Variants in ADGRB3 observed in about 807,000 individuals in gnomAD.
The protein encoded by ADGRB3 is brain-specific angiogenesis inhibitor 3.
ADGRB3 carries 37 observed loss-of-function variants against 193.4 expected under a neutral mutation model. The observed-to-expected ratio is 0.19, with a 90% CI of 0.15 to 0.25. The LOEUF is 0.25. Among genes scored for constraint, ADGRB3 ranks in the 10% least tolerant of loss-of-function variants. ADGRB3 has a pLI of 1.00. For missense variants in ADGRB3, 1,637 were observed against 1,852.9 expected (o/e 0.88, Z 2.14); for synonymous variants, 690 against 644.2 (o/e 1.07, Z -1.08).
chr6:69,327,791 A>G (rs1257292326), intron 21 of ADGRB3, 29 bp from the exon 22 acceptor site: 1 of 1,596,968 alleles, frequency 6.3e-7, no homozygotes, highest in East Asian at 2.2e-5. Context: ...ATAGCTAAAT[A>G]TGAATGCGTG....
chr6:68,775,299 C>G (rs1473645196), intron 3 of ADGRB3, among the ~76,000 whole-genome samples: 1 of 152,058 alleles, frequency 6.6e-6, no homozygotes, highest in East Asian at 1.9e-4. Flanking sequence ...TGAGTGAACA[C>G]TACCGGCTAG....
At chr6:68,897,723 TA>T (rs1237424362) in intron 3 of ADGRB3, among the ~76,000 whole-genome samples, 6 of 54,324 alleles carry the variant, frequency 1.1e-4, no homozygotes, top group East Asian at 1.1e-3. Flanking sequence ...GAGGGAGGGA[TA>T]GGGGAGGGCA....
intron 17 of ADGRB3, among the ~76,000 whole-genome samples, chr6:69,077,063 T>C (rs1772252834): frequency 6.6e-6 from 1 of 152,048 alleles, no homozygotes; most frequent in African/African-American, 2.4e-5. Context: ...CATACTCTTT[T>C]GCTATAGGTT....
chr6:68,774,000 G>A (rs757112002), intron 3 of ADGRB3, among the ~76,000 whole-genome samples: 1 of 152,036 alleles, frequency 6.6e-6, no homozygotes, highest in Non-Finnish European at 1.5e-5. Flanking sequence ...TGGAAAAGAC[G>A]ATGAAGGGCC....
chr6:68,707,695 G>A (rs1765348729), intron 3 of ADGRB3, among the ~76,000 whole-genome samples: 1 of 152,094 alleles, frequency 6.6e-6, no homozygotes, highest in Non-Finnish European at 1.5e-5. Flanking sequence ...ACAATATGAA[G>A]TAAATTGATG....
intron 3 of ADGRB3, among the ~76,000 whole-genome samples, chr6:68,747,764 A>G (rs1766112159): frequency 6.6e-6 from 1 of 152,176 alleles, no homozygotes. Flanking sequence ...TGGGAACAAA[A>G]TGCCCACAGC....
At chr6:68,855,240 C>G (rs571556615) in intron 3 of ADGRB3, among the ~76,000 whole-genome samples, 1 of 152,138 alleles carries the variant, frequency 6.6e-6, no homozygotes, top group Non-Finnish European at 1.5e-5. Flanking sequence ...TTTCCCAGGC[C>G]TTTTAAAGAC....
Position 68,884,393 on chromosome 6 carries a change from T to C in ADGRB3, c.758-46166T>C, listed in dbSNP as rs536783792. Among the ~76,000 whole-genome samples the C allele has an allele frequency of 1.9e-4, 29 of 152,186 alleles. No homozygotes were observed. The South Asian group carries it at 2.7e-3, about 14-fold the overall frequency. On this transcript the variant is annotated intron_variant, in intron 3 of 31. Coordinates refer to ENST00000370598, the MANE Select transcript of ADGRB3 (RefSeq NM_001704.3). ...TCATGGAGGGTGTCAGGAGATAAAA[T>C]AATAGATTGACCTAAATTGGATTGA...
intron 3 of ADGRB3, among the ~76,000 whole-genome samples, chr6:68,767,273 A>G (rs1485200301): frequency 6.6e-6 from 1 of 152,052 alleles, no homozygotes; most frequent in Non-Finnish European, 1.5e-5. Context: ...ATTAAGAGCT[A>G]CACAATTTTT....
chr6:68,996,744 T>G (rs2150276573), intron 11 of ADGRB3, among the ~76,000 whole-genome samples: 1 of 152,300 alleles, frequency 6.6e-6, no homozygotes, highest in Middle Eastern at 3.4e-3. Context: ...TCATCATATC[T>G]TGTAGTATCA....
intron 17 of ADGRB3, among the ~76,000 whole-genome samples, chr6:69,167,375 A>G (rs1775156573): frequency 2.0e-5 from 3 of 152,266 alleles, no homozygotes; most frequent in South Asian, 2.1e-4. Flanking sequence ...TGTATATTAG[A>G]AGGAACACAT....
At chr6:68,847,909 G>A (rs955593853) in intron 3 of ADGRB3, among the ~76,000 whole-genome samples, 1 of 150,118 alleles carries the variant, frequency 6.7e-6, no homozygotes, top group Non-Finnish European at 1.5e-5. Flanking sequence ...CAAAGGAAAG[G>A]AAGGAAAAAA....
At chr6:69,026,255 A>G (rs371476225) in intron 13 of ADGRB3, among the ~76,000 whole-genome samples, 2 of 152,232 alleles carry the variant, frequency 1.3e-5, no homozygotes, top group East Asian at 3.9e-4. Context: ...TAACGAGTCA[A>G]GAGAGCAGTG....
chr6:68,882,926 G>A (rs1321588246), intron 3 of ADGRB3, among the ~76,000 whole-genome samples: 2 of 151,692 alleles, frequency 1.3e-5, no homozygotes, highest in African/African-American at 4.8e-5. Context: ...CAGAGTCTTG[G>A]TCTGTCGCCC....
intron 17 of ADGRB3, among the ~76,000 whole-genome samples, chr6:69,138,386 A>G (rs952853647): frequency 6.6e-6 from 1 of 152,220 alleles, no homozygotes; most frequent in Admixed American, 6.5e-5. Flanking sequence ...ATAGCTATGT[A>G]ATGACTCTGA....
chr6:68,865,809 C>T (rs1765280384), intron 3 of ADGRB3, among the ~76,000 whole-genome samples: 2 of 152,072 alleles, frequency 1.3e-5, no homozygotes, highest in African/African-American at 4.8e-5. Flanking sequence ...GCTCAGAGAC[C>T]TAAGCCAAAT....
intron 3 of ADGRB3, among the ~76,000 whole-genome samples, chr6:68,903,479 A>G (rs1562079263): frequency 6.6e-6 from 1 of 152,192 alleles, no homozygotes; most frequent in Non-Finnish European, 1.5e-5. Context: ...ATATCAGATG[A>G]AAACATAAAT....
chr6:68,817,759 A>G (rs1208364052), intron 3 of ADGRB3, among the ~76,000 whole-genome samples: 1 of 152,054 alleles, frequency 6.6e-6, no homozygotes, highest in Non-Finnish European at 1.5e-5. Flanking sequence ...GCCAAATTGC[A>G]TTTGTGAGTA....
At chr6:69,213,116 C>CA (rs1363769476) in intron 17 of ADGRB3, among the ~76,000 whole-genome samples, 1 of 152,084 alleles carries the variant, frequency 6.6e-6, no homozygotes, top group Non-Finnish European at 1.5e-5. Context: ...ATACTTAGCA[C>CA]AAAATTAAAG....
Sources: allele counts gnomAD v4.1 joint callset (sites outside exome capture counted in the v4.1 genomes callset), GRCh38; gene constraint gnomAD v4.1.1; transcripts MANE v1.5; gene names NCBI Gene and HGNC (gene_info 2026-07-23, HGNC 2026-07-21).